PRDM1: variants seen among roughly 807,000 people sequenced by gnomAD.
PRDM1 encodes PR domain zinc finger protein 1.
A neutral mutation model predicts 62.8 loss-of-function variants in PRDM1; 13 were observed. That is an observed-to-expected ratio of 0.21 (90% CI 0.13 to 0.33). The LOEUF (loss-of-function observed/expected upper bound fraction) is 0.33, where lower values mean the gene tolerates loss of function less well. Ranked by LOEUF, PRDM1 falls within the 10% of genes least tolerant of loss-of-function variation. PRDM1 has a pLI of 1.00. For missense variants in PRDM1, 895 were observed against 1,058.8 expected, an observed-to-expected ratio of 0.85 and a Z score of 2.15; for synonymous variants, 396 against 417.6, an observed-to-expected ratio of 0.95 and a Z score of 0.63.
chr6:105,998,136 A>T (rs7776179), intron 1 of PRDM1, among the ~76,000 whole-genome samples: 6,983 of 152,284 alleles, frequency 0.046, 332 homozygotes, highest in African/African-American at 0.12. Context: ...GTTTGCTCTT[A>T]TAGATAAACA....
In PRDM1 at chr6:106,006,265, G is replaced by A. The variant is rs534556150; in HGVS notation, c.-67+12626G>A. 1.2e-4 allele frequency among the ~76,000 whole-genome samples: 19 copies of A among 152,308 alleles called. No individual in the cohort carries two copies. In the South Asian group the frequency reaches 3.9e-3, roughly 32 times the overall value. ...TTTCTTTTTCCTCCCTTATATGGAT[G>A]GTAGGACTGACTTCTCCAGATAACA... is the stretch of plus-strand genomic sequence containing the variant. On this transcript the variant is annotated intron_variant, in intron 1 of 6. Transcript: ENST00000652320.
intron 1 of PRDM1, among the ~76,000 whole-genome samples, chr6:106,009,725 AT>A (rs796554417): frequency 9.3e-5 from 14 of 150,218 alleles, no homozygotes; most frequent in African/African-American, 3.4e-4. Context: ...TCCCTCCTGA[AT>A]TTTTTTTTTG....
At chr6:106,012,768 C>G (rs923626625) in intron 1 of PRDM1, among the ~76,000 whole-genome samples, 4 of 152,214 alleles carry the variant, frequency 2.6e-5, no homozygotes, top group African/African-American at 9.7e-5. Flanking sequence ...AAGAGCGGAA[C>G]CTGAGTGATA....
Position 106,109,558 on chromosome 6 carries a change from C to T in PRDM1, c.*2072C>T. The T allele has an allele frequency of 8.6e-6, 2 of 233,696 alleles. No homozygotes were observed. The highest frequency in any genetic ancestry group is 1.7e-5 in the Non-Finnish European group (2 of 117,982). 14.5% of individuals were successfully genotyped at this position (233,696 alleles called of 1,614,324 possible). A position where few individuals can be genotyped will look rare whatever the true frequency, so the allele number is the denominator to read the frequency against. On this transcript the variant is annotated 3_prime_UTR_variant, in exon 7 of 7. Transcript: ENST00000369096. ...CCAAGACTGACAGCTTTTTATGTAT[C>T]AGTGTTTGATAAACACAGTCCTTAA...
chr6:106,080,392 C>G (rs1366362075), intron 1 of PRDM1, among the ~76,000 whole-genome samples: 1 of 152,130 alleles, frequency 6.6e-6, no homozygotes, highest in Admixed American at 6.5e-5. Context: ...TTGGACTCAG[C>G]CTTCTGTTCC....
intron 1 of PRDM1, among the ~76,000 whole-genome samples, chr6:106,059,269 A>G (rs1261160187): frequency 6.6e-6 from 1 of 152,214 alleles, no homozygotes; most frequent in Admixed American, 6.5e-5. Context: ...AGGCTAGGAC[A>G]CTATTTTAGA....
In PRDM1 at chr6:106,097,275, G is replaced by A. The variant is rs983996848; in HGVS notation, c.411+1541G>A. Among the ~76,000 whole-genome samples the A allele has an allele frequency of 2.6e-5, 4 of 152,342 alleles. No homozygotes were observed. The East Asian group carries it at 7.7e-4, about 29-fold the overall frequency. ...TAAAGGTCTGAATTAAGACAATCCA[G>A]CATAAGTCTCATTAATGTGTGATTA... On this transcript the variant is annotated intron_variant, in intron 3 of 6. Coordinates refer to ENST00000369096, the MANE Select transcript of PRDM1 (RefSeq NM_001198.4).
chr6:106,088,455 C>A lies in PRDM1; in HGVS notation c.291+6C>A. On this transcript the variant is annotated splice_donor_region_variant and intron_variant, in intron 2 of 6. Coordinates refer to ENST00000369096, the MANE Select transcript of PRDM1 (RefSeq NM_001198.4). ...ATGCCACCAACAGTGAAGAGGTAAG[C>A]CTCTGGTTTATTGACAAGAAGATTG... is the stretch of plus-strand genomic sequence containing the variant. 1.2e-6 allele frequency: 2 copies of A among 1,614,102 alleles called. No homozygotes were observed. The highest frequency in any genetic ancestry group is 1.7e-6 in the Non-Finnish European group (2 of 1,179,984).
rs189954988 is a variant in PRDM1, at chr6:105,994,861, C to T, written c.-67+1222C>T. Among the ~76,000 whole-genome samples, 284 of 152,360 alleles carry T rather than the reference C, an allele frequency of 1.9e-3. No individual in the cohort carries two copies. The highest frequency in any genetic ancestry group is 6.6e-3 in the African/African-American group (276 of 41,580). Reference sequence around the variant, plus strand: ...TCCCGCCGCGTCGGGAATGCGAGCCCGGCCACGCGGTCCGACCGGGTCCGG... The same window carrying T: ...TCCCGCCGCGTCGGGAATGCGAGCCTGGCCACGCGGTCCGACCGGGTCCGG... On this transcript the variant is annotated intron_variant, in intron 1 of 6. Coordinates refer to the PRDM1 transcript ENST00000652320. This position sits in a 1 kb window ranked among gnomAD's most constrained non-coding sequence, Gnocchi z 4.1.
intron 1 of PRDM1, among the ~76,000 whole-genome samples, chr6:106,017,866 A>AG (rs963149561): frequency 6.6e-6 from 1 of 150,584 alleles, no homozygotes; most frequent in Non-Finnish European, 1.5e-5. Context: ...GGGTGGGCTG[A>AG]GGGTCAGGGG....
chr6:106,001,794 T>C (rs1187256268), intron 1 of PRDM1, among the ~76,000 whole-genome samples: 1 of 152,226 alleles, frequency 6.6e-6, no homozygotes, highest in African/African-American at 2.4e-5. Context: ...TTGTCTTGGT[T>C]ATTCTTGGTG....
At chr6:106,070,411 AATACTT>A (rs1263658597) in intron 1 of PRDM1, among the ~76,000 whole-genome samples, 1 of 152,222 alleles carries the variant, frequency 6.6e-6, no homozygotes, top group Non-Finnish European at 1.5e-5. Context: ...ATGCCTGAAT[AATACTT>A]ATATTATATT....
intron 1 of PRDM1, among the ~76,000 whole-genome samples, chr6:106,065,829 A>T (rs1467959421): frequency 1.3e-5 from 2 of 152,174 alleles, no homozygotes; most frequent in Non-Finnish European, 2.9e-5. Flanking sequence ...CATAATCCTA[A>T]TGGATTGACT....
At position 106,099,563 on chromosome 6, in the gene PRDM1, TACAGA is replaced by T; in HGVS notation, c.664+15_664+19del. 1 of 1,612,146 alleles carries T rather than the reference TACAGA, an allele frequency of 6.2e-7. No individual in the cohort carries two copies. The highest frequency in any genetic ancestry group is 8.5e-7 in the Non-Finnish European group (1 of 1,178,760). ...CAATGATGAATCTCAGTAAGTGGAT[TACAGA>T]ACAAAAAAATAAAAAATGCCAGTAA... On this transcript the variant is annotated intron_variant, in intron 4 of 6. Coordinates refer to ENST00000369096, the MANE Select transcript of PRDM1 (RefSeq NM_001198.4).
At position 106,107,698 on chromosome 6, in the gene PRDM1, A is replaced by ATATC; in HGVS notation, c.*213_*214insATCT. The ATATC allele has an allele frequency of 4.5e-6, 1 of 222,326 alleles. No individual in the cohort carries two copies. Among genetic ancestry groups the ATATC allele is most frequent in the Non-Finnish European group, 8.7e-6 (1 of 115,062 alleles). 13.8% of individuals were successfully genotyped at this position (222,326 alleles called of 1,614,324 possible). On this transcript the variant is annotated 3_prime_UTR_variant, in exon 7 of 7. Coordinates refer to ENST00000369096, the MANE Select transcript of PRDM1 (RefSeq NM_001198.4). ...AGGCCATATATATATATATATATATATCTGTATACATATTATATATACTTA... is the reference window on the plus strand; with the variant it reads ...AGGCCATATATATATATATATATATATATCTCTGTATACATATTATATATACTTA...
intron 1 of PRDM1, among the ~76,000 whole-genome samples, chr6:106,005,602 C>T (rs1193114591): frequency 6.6e-6 from 1 of 152,124 alleles, no homozygotes. Context: ...GTTTATAAAG[C>T]TTGACTATGA....
At chr6:106,058,595 A>G (rs9486273) in intron 1 of PRDM1, among the ~76,000 whole-genome samples, 137,631 of 152,190 alleles carry the variant, frequency 0.9, 62,343 homozygotes, top group African/African-American at 0.94. Flanking sequence ...TTTTAAAGAT[A>G]GAGTGTCACT....
At chr6:105,998,822 T>C (rs1257218383) in intron 1 of PRDM1, among the ~76,000 whole-genome samples, 1 of 151,544 alleles carries the variant, frequency 6.6e-6, no homozygotes, top group Non-Finnish European at 1.5e-5. Context: ...GTAATATCCA[T>C]CTTCCCTTAC....
intron 1 of PRDM1, among the ~76,000 whole-genome samples, chr6:106,050,530 T>C (rs917389999): frequency 6.6e-6 from 1 of 152,236 alleles, no homozygotes; most frequent in Non-Finnish European, 1.5e-5. Context: ...TTACTTTTTA[T>C]TCTTTCACAA....
Sources: gnomAD v4.1 joint callset for allele counts (sites outside exome capture counted in the v4.1 genomes callset) on GRCh38, gnomAD v4.1.1 for gene constraint, Gnocchi (gnomAD v3.1) non-coding constraint, MANE v1.5 for transcripts, NCBI Gene and HGNC (gene_info 2026-07-23, HGNC 2026-07-21) for gene names.